CACNG3: variants seen among roughly 807,000 people sequenced by gnomAD.
The protein encoded by CACNG3 is calcium voltage-gated channel auxiliary subunit gamma 3, also known as voltage-dependent calcium channel gamma-3 subunit.
A neutral mutation model predicts 28.5 loss-of-function variants in CACNG3; 3 were observed. The ratio of observed to expected loss-of-function variants is 0.11; its 90% CI spans 0.05 to 0.27. The LOEUF (loss-of-function observed/expected upper bound fraction) is 0.27, where lower values mean the gene tolerates loss of function less well. Among genes scored for constraint, CACNG3 ranks in the 10% least tolerant of loss-of-function variants. CACNG3 has a pLI of 1.00. For synonymous variants in CACNG3, 174 were observed against 162.2 expected (o/e 1.07, Z -0.55); for missense variants, 236 against 414.4 (o/e 0.57, Z 3.74).
At position 24,256,877 on chromosome 16, in the gene CACNG3, G is replaced by A. The variant is rs1898466170; in HGVS notation, c.123G>A (p.Arg41=). 1.2e-6 allele frequency: 2 copies of A among 1,613,746 alleles called. No homozygotes were observed. Among genetic ancestry groups the A allele is most frequent in the Non-Finnish European group, 1.7e-6 (2 of 1,179,742 alleles). The change falls in exon 1 of 4, where the codon AGG becomes AGA. Residue 41 remains arginine (R), a synonymous_variant. Coordinates refer to ENST00000005284, the MANE Select transcript of CACNG3 (RefSeq NM_006539.4). This position sits in a 1 kb window ranked among gnomAD's most constrained non-coding sequence, Gnocchi z 4.6. ...DYWLYSRGVC[R]TKSTSDNETS... is the part of the protein sequence containing the mutation. Reference sequence around the variant, plus strand: ...GGTTATATTCCAGAGGTGTGTGCAGGACTAAATCTACAAGTGATAATGAAA... The same window carrying A: ...GGTTATATTCCAGAGGTGTGTGCAGAACTAAATCTACAAGTGATAATGAAA...
At chr16:24,285,904 C>T (rs1323934021) in intron 1 of CACNG3, among the ~76,000 whole-genome samples, 2 of 143,596 alleles carry the variant, frequency 1.4e-5, no homozygotes, top group East Asian at 2.1e-4. Context: ...AGAGCAGTGG[C>T]GCGATCTCAG....
Position 24,302,157 on chromosome 16 carries a change from C to A in CACNG3, c.212-44577C>A, listed in dbSNP as rs145380308. Among the ~76,000 whole-genome samples the A allele has an allele frequency of 3.8e-3, 585 of 152,312 alleles. 3 individuals are homozygous for A. Among genetic ancestry groups the A allele is most frequent in the African/African-American group, 0.013 (547 of 41,560 alleles). ...CTTCTGATTCCTCATCACTTGTCATCCGGCTTCCTCTCTTGTCTGCCTCCA... is the reference window on the plus strand; with the variant it reads ...CTTCTGATTCCTCATCACTTGTCATACGGCTTCCTCTCTTGTCTGCCTCCA... On this transcript the variant is annotated intron_variant, in intron 1 of 3. Transcript: ENST00000005284.
At chr16:24,296,388 C>A (rs1040423976) in intron 1 of CACNG3, among the ~76,000 whole-genome samples, 3 of 152,206 alleles carry the variant, frequency 2.0e-5, no homozygotes, top group African/African-American at 7.2e-5. Context: ...CAAAATTAAA[C>A]CTCTTCCTTA....
intron 1 of CACNG3, among the ~76,000 whole-genome samples, chr16:24,297,485 G>A (rs1899047368): frequency 6.6e-6 from 1 of 152,028 alleles, no homozygotes; most frequent in Non-Finnish European, 1.5e-5. Flanking sequence ...AAACAAGAGA[G>A]GACTTAGAAC....
At chr16:24,350,994 G>A (rs930176587) in intron 2 of CACNG3, among the ~76,000 whole-genome samples, 4 of 152,174 alleles carry the variant, frequency 2.6e-5, no homozygotes, top group Non-Finnish European at 5.9e-5. Flanking sequence ...GAGCTCACTC[G>A]CTGGGATGGC....
intron 1 of CACNG3, among the ~76,000 whole-genome samples, chr16:24,326,497 A>G (rs980103390): frequency 5.3e-5 from 8 of 152,210 alleles, no homozygotes; most frequent in African/African-American, 1.9e-4. Flanking sequence ...AACATTTCTA[A>G]CCAATGTTCC....
chr16:24,354,739 T>G, intron 2 of CACNG3, 94 bp from the exon 3 acceptor site: 3 of 1,269,662 alleles, frequency 2.4e-6, no homozygotes, highest in Non-Finnish European at 3.3e-6. Flanking sequence ...TCTCTTCCTG[T>G]GCTGCCTTCC....
chr16:24,342,162 G>C (rs1016347370), intron 1 of CACNG3, among the ~76,000 whole-genome samples: 2 of 152,138 alleles, frequency 1.3e-5, no homozygotes, highest in Non-Finnish European at 2.9e-5. Context: ...CAGCTACTCA[G>C]GAGGCTGAGG....
chr16:24,324,407 C>G (rs999804305), intron 1 of CACNG3, among the ~76,000 whole-genome samples: 1 of 152,178 alleles, frequency 6.6e-6, no homozygotes, highest in Non-Finnish European at 1.5e-5. Flanking sequence ...TTACCCCAGC[C>G]ATACACAGGC....
At chr16:24,277,267 G>A (rs1000192741) in intron 1 of CACNG3, among the ~76,000 whole-genome samples, 6 of 152,084 alleles carry the variant, frequency 3.9e-5, no homozygotes, top group African/African-American at 9.7e-5. Context: ...ATTATCATTC[G>A]GCATCTGGAG....
intron 1 of CACNG3, among the ~76,000 whole-genome samples, chr16:24,273,665 C>T (rs367980369): frequency 7.9e-5 from 12 of 152,288 alleles, no homozygotes; most frequent in African/African-American, 2.9e-4. Flanking sequence ...TCTGAGATTA[C>T]ATTTTTCTCT....
chr16:24,318,399 C>A (rs889070239), intron 1 of CACNG3, among the ~76,000 whole-genome samples: 2 of 152,150 alleles, frequency 1.3e-5, no homozygotes, highest in African/African-American at 4.8e-5. Flanking sequence ...ACCATGCTGG[C>A]CAGGCTGGTC....
chr16:24,361,781 T>C lies in CACNG3; in HGVS notation c.866T>C (p.Leu289Pro), dbSNP rs906360580. 1 of 1,614,100 alleles carries C rather than the reference T, an allele frequency of 6.2e-7. No homozygotes were observed. The highest frequency in any genetic ancestry group is 8.5e-7 in the Non-Finnish European group (1 of 1,180,006). ...AACTCCGACCGGGACCACGCTTTTC[T>C]ACAGTTCCACAATTCCACACCCAAA... Reference protein sequence around the residue: ...LLNSDRDHAFLQFHNSTPKEF... With the variant: ...LLNSDRDHAFPQFHNSTPKEF... The change falls in exon 4 of 4, where the codon CTA becomes CCA. Residue 289 changes from leucine (L) to proline (P), a missense_variant. Leu to Pro is a moderately conservative substitution (Grantham distance 98). Around this residue, in one of 2 missense-constraint regions of CACNG3, gnomAD observed 116 missense variants for 151.0 expected, o/e 0.77. Coordinates refer to ENST00000005284, the MANE Select transcript of CACNG3 (RefSeq NM_006539.4). The surrounding 1 kb of genome is among the most constrained non-coding windows in gnomAD (Gnocchi z 6.8).
At chr16:24,284,982 G>A (rs558706336) in intron 1 of CACNG3, among the ~76,000 whole-genome samples, 2 of 145,270 alleles carry the variant, frequency 1.4e-5, no homozygotes, top group Admixed American at 1.4e-4. Flanking sequence ...ACAAACACAG[G>A]AATTATAACT....
intron 1 of CACNG3, among the ~76,000 whole-genome samples, chr16:24,322,191 A>AT (rs1899470702): frequency 6.6e-6 from 1 of 152,142 alleles, no homozygotes; most frequent in African/African-American, 2.4e-5. Flanking sequence ...TGCCCCGCTG[A>AT]TGACTCTCAC....
chr16:24,258,523 T>C (rs1898498879), intron 1 of CACNG3, among the ~76,000 whole-genome samples: 1 of 152,230 alleles, frequency 6.6e-6, no homozygotes, highest in African/African-American at 2.4e-5. Flanking sequence ...TATCTAAAGC[T>C]TATACTGTAT....
At chr16:24,258,911 G>C (rs1898503416) in intron 1 of CACNG3, among the ~76,000 whole-genome samples, 1 of 152,318 alleles carries the variant, frequency 6.6e-6, no homozygotes, top group African/African-American at 2.4e-5. Flanking sequence ...ATCTATAAGA[G>C]CAGAGGTAGG....
rs112547918 is a variant in CACNG3 at position 24,345,865 on chromosome 16, T to C, written c.212-869T>C. On this transcript the variant is annotated intron_variant, in intron 1 of 3. Transcript: ENST00000005284. Reference sequence around the variant, plus strand: ...GTCCTGTGGTCAGATATGAACATCATTGGGGAGAGTGGACTATTCTGGAAT... The same window carrying C: ...GTCCTGTGGTCAGATATGAACATCACTGGGGAGAGTGGACTATTCTGGAAT... 3.6e-3 allele frequency among the ~76,000 whole-genome samples: 548 copies of C among 152,234 alleles called. 2 individuals are homozygous for C. Among genetic ancestry groups the C allele is most frequent in the Non-Finnish European group, 5.3e-3 (362 of 68,006 alleles).
intron 2 of CACNG3, among the ~76,000 whole-genome samples, chr16:24,352,374 G>A (rs1466976442): frequency 1.3e-5 from 2 of 151,748 alleles, no homozygotes; most frequent in African/African-American, 2.4e-5. Context: ...AACGCAACTC[G>A]CAGCCCACGG....
Sources: allele counts gnomAD v4.1 joint callset (sites outside exome capture counted in the v4.1 genomes callset), GRCh38; gene constraint gnomAD v4.1.1; regional missense constraint gnomAD v4.1.1; non-coding constraint Gnocchi (gnomAD v3.1); transcripts MANE v1.5; gene names NCBI Gene and HGNC (gene_info 2026-07-23, HGNC 2026-07-21).